EIF2AK3: variants seen among roughly 807,000 people sequenced by gnomAD.
EIF2AK3 encodes the protein eukaryotic translation initiation factor 2-alpha kinase 3.
EIF2AK3 carries 50 observed loss-of-function variants against 113.5 expected under a neutral mutation model. The observed-to-expected ratio is 0.44, with a 90% CI of 0.35 to 0.56. The LOEUF is 0.56. Ranked by LOEUF, EIF2AK3 falls within the 20% of genes least tolerant of loss-of-function variation. The pLI is 0.00. For synonymous variants in EIF2AK3, 448 were observed against 495.4 expected, an observed-to-expected ratio of 0.90 and a Z score of 1.27; for missense variants, 1,185 against 1,378.0, an observed-to-expected ratio of 0.86 and a Z score of 2.22.
chr2:88,626,895 C>T lies in EIF2AK3; in HGVS notation c.308+72G>A, dbSNP rs986885883. On this transcript the variant is annotated intron_variant, in intron 1 of 16. Coordinates refer to ENST00000303236, the MANE Select transcript of EIF2AK3 (RefSeq NM_004836.7). ...CGCCCGCCCGGGTCCCGGATCTCCG[C>T]CCCCCTACACCGCATCCTCCGCGGC... The T allele has an allele frequency of 4.9e-5, 76 of 1,559,386 alleles. No individual in the cohort carries two copies. The African/African-American group carries it at 9.7e-4, about 20-fold the overall frequency.
intron 1 of EIF2AK3, among the ~76,000 whole-genome samples, chr2:88,620,710 C>T (rs1486505876): frequency 6.6e-6 from 1 of 152,226 alleles, no homozygotes; most frequent in East Asian, 1.9e-4. Flanking sequence ...CTACACTGTC[C>T]TTGATATTTT....
At chr2:88,597,962 A>G (rs1280113327) in intron 2 of EIF2AK3, among the ~76,000 whole-genome samples, 1 of 152,160 alleles carries the variant, frequency 6.6e-6, no homozygotes, top group Non-Finnish European at 1.5e-5. Flanking sequence ...CACCAAAAGG[A>G]ACCAGGGCTC....
chr2:88,627,320 C>A lies in EIF2AK3; in HGVS notation c.-46G>T, dbSNP rs754829359. The A allele has an allele frequency of 1.4e-6, 2 of 1,442,224 alleles. No homozygotes were observed. Among genetic ancestry groups the A allele is most frequent in the Non-Finnish European group, 1.8e-6 (2 of 1,099,196 alleles). The allele number at this position is 1,442,224 out of a possible 1,614,324, so 89.3% of individuals were successfully genotyped here. On this transcript the variant is annotated 5_prime_UTR_variant, in exon 1 of 17. Transcript: ENST00000303236. ...AGGCATGGAGGCGCAGCCACTGACG[C>A]CTGCCTCTCCCGCCGCTTGGAGCTC... is the stretch of plus-strand genomic sequence containing the variant.
At position 88,558,987 on chromosome 2, in the gene EIF2AK3, GAAAA is replaced by G. The variant is rs748961764; in HGVS notation, c.3088-12_3088-9del. 5 of 1,547,604 alleles carry G rather than the reference GAAAA, an allele frequency of 3.2e-6. No homozygotes were observed. Among genetic ancestry groups the G allele is most frequent in the Non-Finnish European group, 3.6e-6 (4 of 1,125,422 alleles). ...TCTTACATCAGTTAAGGTCTAAAAA[GAAAA>G]AAAGTATCACTTATTAAGTTTATTT... On this transcript the variant is annotated splice_polypyrimidine_tract_variant and intron_variant, in intron 15 of 16. Transcript: ENST00000303236.
chr2:88,579,567 T>C lies in EIF2AK3; in HGVS notation c.1837A>G (p.Lys613Glu). The change falls in exon 11 of 17, where the codon AAA (lysine) becomes GAA (glutamate). Residue 613 changes from lysine to glutamate, a missense_variant. By Grantham distance (56) the Lys-to-Glu change is moderately conservative (BLOSUM62 1). Coordinates refer to ENST00000303236, the MANE Select transcript of EIF2AK3 (RefSeq NM_004836.7). ...GFGVVFEAKN[K>E]VDDCNYAIKR... ...ATAGCATAATTGCAGTCATCTACTT[T>C]GTTTTTAGCTTCAAAAACAACTCCA... The C allele has an allele frequency of 6.2e-7, 1 of 1,613,948 alleles. No homozygotes were observed. The highest frequency in any genetic ancestry group is 8.5e-7 in the Non-Finnish European group (1 of 1,179,882).
Position 88,574,702 on chromosome 2 carries a change from A to G in EIF2AK3, c.2781T>C (p.Phe927=). The change falls in exon 13 of 17, where the codon TTT becomes TTC. Residue 927 remains phenylalanine (F), a synonymous_variant. Transcript: ENST00000303236. ...IFLQIAEAVE[F]LHSKGLMHRD... is the part of the protein sequence containing the mutation. ...TGTGCATCAGTCCTTTACTGTGAAG[A>G]AACTCCACTGCCTCTGCGATCTGCA... 1.9e-6 allele frequency: 3 copies of G among 1,614,156 alleles called. No homozygotes were observed. The highest frequency in any genetic ancestry group is 2.5e-6 in the Non-Finnish European group (3 of 1,180,014).
intron 14 of EIF2AK3, among the ~76,000 whole-genome samples, chr2:88,567,886 CA>C (rs1276309494): frequency 6.6e-6 from 1 of 152,154 alleles, no homozygotes; most frequent in Non-Finnish European, 1.5e-5. Context: ...CTCCTTTACA[CA>C]AAAGGTGTAC....
intron 13 of EIF2AK3, among the ~76,000 whole-genome samples, chr2:88,572,450 T>C (rs1485631533): frequency 6.6e-6 from 1 of 152,226 alleles, no homozygotes; most frequent in South Asian, 2.1e-4. Context: ...GGAATCCCAT[T>C]GCCTGGCTAG....
At chr2:88,588,187 A>T (rs1558654013) in intron 7 of EIF2AK3, 83 bp from the exon 8 acceptor site, 20 of 933,340 alleles carry the variant, frequency 2.1e-5, no homozygotes, top group Middle Eastern at 3.4e-4. Context: ...CACGTGCTTA[A>T]TTGAATAAAC....
chr2:88,617,420 T>C (rs1167254300), intron 1 of EIF2AK3, among the ~76,000 whole-genome samples: 1 of 152,184 alleles, frequency 6.6e-6, no homozygotes, highest in Non-Finnish European at 1.5e-5. Flanking sequence ...TTCTCACTTA[T>C]AAGTGGAAGC....
At chr2:88,577,221 G>T (rs1009672941) in intron 11 of EIF2AK3, among the ~76,000 whole-genome samples, 13 of 152,058 alleles carry the variant, frequency 8.5e-5, no homozygotes, top group African/African-American at 3.1e-4. Flanking sequence ...AACCTCAGGT[G>T]ATCCACCTGC....
intron 1 of EIF2AK3, 63 bp downstream of exon 1, chr2:88,626,883 CCCGGATCTCCGCCCCCCTACA>C: frequency 6.5e-7 from 1 of 1,542,874 alleles, no homozygotes; most frequent in African/African-American, 1.4e-5. Flanking sequence ...CCGCCCGGGT[CCCGGATCTCCGCCCCCCTACA>C]CCGCATCCTC....
chr2:88,557,934 G>C lies in EIF2AK3; in HGVS notation c.3153C>G (p.Tyr1051Ter). The C allele has an allele frequency of 6.2e-7, 1 of 1,613,682 alleles. No homozygotes were observed. The highest frequency in any genetic ancestry group is 8.5e-7 in the Non-Finnish European group (1 of 1,179,674). The stretch of plus-strand genomic sequence containing the variant: ...GAGAGAGCATGTCTTGAACCATCAC[G>C]TACTGAAAATATAAAAATTGTTTTG... ...PLFTQKYPCE[Y>*]VMVQDMLSPS... Residue 1051 changes from tyrosine to a stop codon, truncating the protein, a stop_gained and splice_region_variant, in exon 17 of 17, where the codon TAC becomes TAG. Transcript: ENST00000303236. LOFTEE classifies it high-confidence loss of function.
chr2:88,585,726 T>C (rs1674706050), intron 9 of EIF2AK3, 115 bp downstream of exon 9: 5 of 953,850 alleles, frequency 5.2e-6, no homozygotes, highest in Non-Finnish European at 7.9e-6. Context: ...ACTGAGAACT[T>C]TGGCAAGAGT....
intron 1 of EIF2AK3, among the ~76,000 whole-genome samples, chr2:88,616,962 T>G (rs565019351): frequency 3.3e-5 from 5 of 152,308 alleles, no homozygotes; most frequent in African/African-American, 1.2e-4. Context: ...GTATTCATTA[T>G]GGGCTCCTCC....
chr2:88,585,004 A>G (rs1674684716), intron 9 of EIF2AK3, among the ~76,000 whole-genome samples: 1 of 152,120 alleles, frequency 6.6e-6, no homozygotes, highest in African/African-American at 2.4e-5. Context: ...AGGGTCAGGT[A>G]TTAGAGGTTT....
At chr2:88,619,848 G>T (rs1675675058) in intron 1 of EIF2AK3, among the ~76,000 whole-genome samples, 1 of 151,696 alleles carries the variant, frequency 6.6e-6, no homozygotes, top group South Asian at 2.1e-4. Flanking sequence ...CAGCTAATTG[G>T]GAGAGGCTGA....
At chr2:88,609,179 C>T (rs1370260385) in intron 2 of EIF2AK3, among the ~76,000 whole-genome samples, 1 of 152,118 alleles carries the variant, frequency 6.6e-6, no homozygotes, top group Admixed American at 6.5e-5. Flanking sequence ...ACAATACAGT[C>T]TTCTCTCCTT....
chr2:88,558,230 CA>C (rs1673838456), intron 16 of EIF2AK3, among the ~76,000 whole-genome samples: 1 of 152,132 alleles, frequency 6.6e-6, no homozygotes, highest in African/African-American at 2.4e-5. Context: ...TCCAAAAAAA[CA>C]TGGACAATTT....
Sources: allele counts gnomAD v4.1 joint callset (sites outside exome capture counted in the v4.1 genomes callset), GRCh38; gene constraint gnomAD v4.1.1; transcripts MANE v1.5; gene names NCBI Gene and HGNC (gene_info 2026-07-23, HGNC 2026-07-21).